HECW1: variants seen among roughly 807,000 people sequenced by gnomAD.
HECW1 encodes the protein E3 ubiquitin-protein ligase HECW1.
In HECW1, 61 loss-of-function variants were observed where a neutral mutation model predicts 182.3. The observed-to-expected ratio is 0.33, with a 90% CI of 0.27 to 0.41. HECW1 has a LOEUF of 0.41. Ranked by LOEUF, HECW1 falls within the 10% of genes least tolerant of loss-of-function variation. The pLI is 1.00. For missense variants in HECW1, 1,739 were observed against 2,108.9 expected, an observed-to-expected ratio of 0.82 and a Z score of 3.44; for synonymous variants, 859 against 832.6, an observed-to-expected ratio of 1.03 and a Z score of -0.55.
chr7:43,528,367 T>C (rs1441982093), intron 24 of HECW1, among the ~76,000 whole-genome samples: 1 of 152,212 alleles, frequency 6.6e-6, no homozygotes, highest in Non-Finnish European at 1.5e-5. Flanking sequence ...TGGGAAGGTT[T>C]ATTTTCCTGG....
intron 6 of HECW1, among the ~76,000 whole-genome samples, chr7:43,369,830 A>C (rs1044804685): frequency 6.6e-6 from 1 of 152,234 alleles, no homozygotes; most frequent in African/African-American, 2.4e-5. Flanking sequence ...CGAAATGTTC[A>C]CTTTCCCTAA....
intron 2 of HECW1, among the ~76,000 whole-genome samples, chr7:43,143,580 C>T (rs527424880): frequency 6.6e-6 from 1 of 152,286 alleles, no homozygotes; most frequent in African/African-American, 2.4e-5. Flanking sequence ...GCCATGGTGC[C>T]CAGCTGGATG....
chr7:43,333,093 G>A (rs1176307746), intron 5 of HECW1, among the ~76,000 whole-genome samples: 3 of 152,174 alleles, frequency 2.0e-5, no homozygotes, highest in Admixed American at 6.5e-5. Flanking sequence ...CCCATAGAGA[G>A]CTCAGTACTG....
chr7:43,563,430 A>G lies in HECW1; in HGVS notation c.*1504A>G, dbSNP rs538913370. 65 of 198,942 alleles carry G rather than the reference A, an allele frequency of 3.3e-4. No homozygotes were observed. The highest frequency in any genetic ancestry group is 1.4e-3 in the African/African-American group (61 of 43,556). The allele number at this position is 198,942 out of a possible 1,614,324, so 12.3% of individuals were successfully genotyped here. The stretch of plus-strand genomic sequence containing the variant: ...TCTTCACTGGGAAAAAGAAGAGCTC[A>G]AGAGACCCCACTATTTAAATGTCAT... On this transcript the variant is annotated 3_prime_UTR_variant, in exon 30 of 30. Transcript: ENST00000395891.
chr7:43,464,429 T>A (rs535631859), intron 14 of HECW1, among the ~76,000 whole-genome samples: 100 of 152,172 alleles, frequency 6.6e-4, no homozygotes, highest in Non-Finnish European at 9.4e-4. Flanking sequence ...ATGGTTTTCA[T>A]TTCTTTGAAT....
intron 5 of HECW1, among the ~76,000 whole-genome samples, chr7:43,336,672 A>G (rs1013555141): frequency 6.6e-6 from 1 of 152,144 alleles, no homozygotes; most frequent in Admixed American, 6.5e-5. Flanking sequence ...ATTGAACTCA[A>G]TAAGTAATTT....
chr7:43,475,377 T>C (rs2078182399), intron 16 of HECW1, among the ~76,000 whole-genome samples: 1 of 152,170 alleles, frequency 6.6e-6, no homozygotes, highest in Admixed American at 6.5e-5. Flanking sequence ...TAGATGACTC[T>C]TGGGCTTAAA....
At chr7:43,325,706 C>A (rs1810669065) in intron 5 of HECW1, among the ~76,000 whole-genome samples, 1 of 152,144 alleles carries the variant, frequency 6.6e-6, no homozygotes, top group Admixed American at 6.5e-5. Flanking sequence ...AACCTCCGTG[C>A]CTTGCCCTAG....
intron 2 of HECW1, among the ~76,000 whole-genome samples, chr7:43,145,695 C>T (rs1788634798): frequency 6.6e-6 from 1 of 152,144 alleles, no homozygotes; most frequent in Non-Finnish European, 1.5e-5. Flanking sequence ...TCATGTATTG[C>T]CACAAGAGAT....
chr7:43,483,544 A>G (rs1250541542), intron 17 of HECW1, among the ~76,000 whole-genome samples: 1 of 102,388 alleles, frequency 9.8e-6, no homozygotes, highest in African/African-American at 3.1e-5. Context: ...ATCCATGCAA[A>G]CTCTTTTTTT....
At chr7:43,440,238 C>G (rs1472220146) in intron 9 of HECW1, 3 of 152,850 alleles carry the variant, frequency 2.0e-5, no homozygotes, top group African/African-American at 7.2e-5. Flanking sequence ...CCATAAAGCC[C>G]CCTGCATCCG....
At chr7:43,222,460 A>T (rs987061237) in intron 2 of HECW1, among the ~76,000 whole-genome samples, 1 of 152,194 alleles carries the variant, frequency 6.6e-6, no homozygotes, top group South Asian at 2.1e-4. Flanking sequence ...ATCTAGGATC[A>T]GATGTTTTCA....
At chr7:43,540,365 T>TG (rs1481455770) in intron 24 of HECW1, among the ~76,000 whole-genome samples, 1 of 152,072 alleles carries the variant, frequency 6.6e-6, no homozygotes, top group Non-Finnish European at 1.5e-5. Flanking sequence ...GCCCACATGG[T>TG]GGGGAAAGCA....
chr7:43,473,757 T>C (rs796282980), intron 16 of HECW1, among the ~76,000 whole-genome samples: 8 of 152,250 alleles, frequency 5.3e-5, no homozygotes, highest in African/African-American at 1.9e-4. Flanking sequence ...CTGACAAGCT[T>C]AAAAGGCAAC....
At chr7:43,174,703 C>G (rs767549885) in intron 2 of HECW1, among the ~76,000 whole-genome samples, 1 of 152,120 alleles carries the variant, frequency 6.6e-6, no homozygotes, top group African/African-American at 2.4e-5. Context: ...ACAAAAACAG[C>G]TCCAGGGAAT....
intron 19 of HECW1, among the ~76,000 whole-genome samples, chr7:43,499,992 C>A (rs1275317510): frequency 6.6e-6 from 1 of 152,022 alleles, no homozygotes; most frequent in Non-Finnish European, 1.5e-5. Flanking sequence ...CCTCTGTGCC[C>A]AATGTGGCAT....
At chr7:43,141,179 T>G (rs1260418929) in intron 2 of HECW1, among the ~76,000 whole-genome samples, 1 of 152,200 alleles carries the variant, frequency 6.6e-6, no homozygotes, top group Non-Finnish European at 1.5e-5. Context: ...TACCCACTCC[T>G]GACTGAAAGC....
chr7:43,126,441 T>C (rs1174006258), intron 2 of HECW1, among the ~76,000 whole-genome samples: 2 of 152,224 alleles, frequency 1.3e-5, no homozygotes, highest in African/African-American at 2.4e-5. Context: ...GTCATTTACA[T>C]TGTGCTTAAA....
chr7:43,220,562 C>G (rs1016027620), intron 2 of HECW1, among the ~76,000 whole-genome samples: 3 of 152,174 alleles, frequency 2.0e-5, no homozygotes, highest in African/African-American at 7.2e-5. Context: ...CCAGCTCTAG[C>G]ATAAACTATT....
Sources: gnomAD v4.1 joint callset for allele counts (sites outside exome capture counted in the v4.1 genomes callset) on GRCh38, gnomAD v4.1.1 for gene constraint, MANE v1.5 for transcripts, NCBI Gene and HGNC (gene_info 2026-07-23, HGNC 2026-07-21) for gene names.